HLF: variants seen among roughly 807,000 people sequenced by gnomAD.
HLF encodes hepatic leukemia factor.
Under a neutral mutation model 22.6 loss-of-function variants are expected in HLF, and 3 were observed. That is an observed-to-expected ratio of 0.13 (90% CI 0.06 to 0.34). The LOEUF is 0.34. Ranked by LOEUF, HLF falls within the 10% of genes least tolerant of loss-of-function variation. The probability of loss-of-function intolerance (pLI) is 1.00; values close to 1 mark genes in which losing one functional copy is unlikely to be tolerated. For missense variants in HLF, 299 were observed against 389.2 expected (o/e 0.77, Z 1.95); for synonymous variants, 151 against 151.8 (o/e 0.99, Z 0.04).
At chr17:55,277,232 GTTAT>G (rs1567813042) in intron 2 of HLF, among the ~76,000 whole-genome samples, 1 of 54,742 alleles carries the variant, frequency 1.8e-5, no homozygotes, top group African/African-American at 6.1e-5. Flanking sequence ...TGAACCAGAT[GTTAT>G]GTGTATGTGT....
chr17:55,271,748 T>C (rs189358038), intron 2 of HLF: 1 of 152,272 alleles, frequency 6.6e-6, no homozygotes, highest in Admixed American at 6.5e-5. Flanking sequence ...CAGGCTGGTC[T>C]CAAACTCTTG....
At position 55,324,815 on chromosome 17, in the gene HLF, A is replaced by ATG. The variant is rs371358640; in HGVS notation, c.*3950_*3951dup. On this transcript the variant is annotated 3_prime_UTR_variant, in exon 4 of 4. Transcript: ENST00000226067. ...AGTGTGTGTGTGTGTGTGTGCGTGC[A>ATG]TGTGTGTGTGTGTGTATGTGTGTGA... The ATG allele has an allele frequency of 5.1e-3, 1,059 of 208,560 alleles. 6 individuals are homozygous for ATG. The highest frequency in any genetic ancestry group is 0.019 in the African/African-American group (791 of 40,964). The allele number at this position is 208,560 out of a possible 1,614,324, so 12.9% of individuals were successfully genotyped here.
chr17:55,312,780 G>A (rs529033519), intron 2 of HLF, among the ~76,000 whole-genome samples: 8 of 152,172 alleles, frequency 5.3e-5, no homozygotes, highest in African/African-American at 1.7e-4. Context: ...TTAACATTTC[G>A]CAGCGAACAT....
chr17:55,302,114 G>C (rs901738365), intron 2 of HLF, among the ~76,000 whole-genome samples: 1 of 152,226 alleles, frequency 6.6e-6, no homozygotes, highest in Admixed American at 6.5e-5. Context: ...TGGAAGAATG[G>C]GGGAAATAGT....
rs1331421500 is a variant in HLF at position 55,275,335 on chromosome 17, A to G, written c.451+7249A>G. Among the ~76,000 whole-genome samples, 4 of 152,176 alleles carry G rather than the reference A, an allele frequency of 2.6e-5. No homozygotes were observed. In the East Asian group the frequency reaches 5.8e-4, roughly 22 times the overall value. On this transcript the variant is annotated intron_variant, in intron 2 of 3. Coordinates refer to ENST00000226067, the MANE Select transcript of HLF (RefSeq NM_002126.5). ...GGTCTTGAGCTCCTGAGCTCAAGCA[A>G]TCCACCGACCTTGGCCTCCCAAAGT...
chr17:55,303,927 A>G (rs1904418150), intron 2 of HLF, among the ~76,000 whole-genome samples: 1 of 152,066 alleles, frequency 6.6e-6, no homozygotes, highest in Non-Finnish European at 1.5e-5. Flanking sequence ...TAGTGTTTCC[A>G]CAAGCTTTTA....
Position 55,320,943 on chromosome 17 carries a change from A to G in HLF, c.*64A>G. 3.1e-6 allele frequency: 4 copies of G among 1,301,656 alleles called. No homozygotes were observed. Among genetic ancestry groups the G allele is most frequent in the African/African-American group, 1.5e-5 (1 of 68,790 alleles). 80.6% of individuals were successfully genotyped at this position (1,301,656 alleles called of 1,614,324 possible). The stretch of plus-strand genomic sequence containing the variant: ...AGTTTGTTTCCTGTCTGATAGCACC[A>G]CACGCAAACCAACCTTTCTGACATC... On this transcript the variant is annotated 3_prime_UTR_variant, in exon 4 of 4. Coordinates refer to ENST00000226067, the MANE Select transcript of HLF (RefSeq NM_002126.5). The surrounding 1 kb of genome is among the most constrained non-coding windows in gnomAD (Gnocchi z 4.2).
intron 2 of HLF, among the ~76,000 whole-genome samples, chr17:55,269,282 C>T (rs1459026006): frequency 6.6e-6 from 1 of 152,166 alleles, no homozygotes; most frequent in Non-Finnish European, 1.5e-5. Context: ...TGAATTATAA[C>T]TCAAGGCCAC....
At position 55,321,343 on chromosome 17, in the gene HLF, T is replaced by C. The variant is rs1384726018; in HGVS notation, c.*464T>C. ...AAGAGTACAAGCTCTTGTTTCTGTT[T>C]AGTCCGTAAGTTACCATGCTAATGA... On this transcript the variant is annotated 3_prime_UTR_variant, in exon 4 of 4. Coordinates refer to ENST00000226067, the MANE Select transcript of HLF (RefSeq NM_002126.5). The C allele has an allele frequency of 4.1e-6, 1 of 242,586 alleles. No individual in the cohort carries two copies. Among genetic ancestry groups the C allele is most frequent in the African/African-American group, 2.2e-5 (1 of 45,486 alleles). 15.0% of individuals were successfully genotyped at this position (242,586 alleles called of 1,614,324 possible).
At chr17:55,287,034 T>C (rs2081010167) in intron 2 of HLF, among the ~76,000 whole-genome samples, 1 of 152,138 alleles carries the variant, frequency 6.6e-6, no homozygotes. Context: ...TTAAAAATAA[T>C]GCCAAGTTCT....
chr17:55,269,404 C>T (rs2080831205), intron 2 of HLF, among the ~76,000 whole-genome samples: 1 of 152,092 alleles, frequency 6.6e-6, no homozygotes, highest in Admixed American at 6.6e-5. Context: ...ATGTGCGGTA[C>T]CACTATCTTC....
rs1344514735 is a variant in HLF at position 55,320,057 on chromosome 17, A to G, written c.673-607A>G. 6.6e-6 allele frequency among the ~76,000 whole-genome samples: 1 copy of G among 152,210 alleles called. No homozygotes were observed. The highest frequency in any genetic ancestry group is 1.5e-5 in the Non-Finnish European group (1 of 68,040). On this transcript the variant is annotated intron_variant, in intron 3 of 3. Transcript: ENST00000226067. The surrounding 1 kb of genome is among the most constrained non-coding windows in gnomAD (Gnocchi z 4.2). Reference sequence around the variant, plus strand: ...AAGTATCCCTTTGTATGACTGTATCATAACGTGGTTGTTAAATCTCCTATG... The same window carrying G: ...AAGTATCCCTTTGTATGACTGTATCGTAACGTGGTTGTTAAATCTCCTATG...
intron 2 of HLF, among the ~76,000 whole-genome samples, chr17:55,313,240 A>G (rs1904915594): frequency 1.3e-5 from 2 of 152,218 alleles, no homozygotes; most frequent in South Asian, 4.1e-4. Context: ...CCATCATTAA[A>G]TGAGGAGCAG....
At chr17:55,294,252 G>A (rs929193429) in intron 2 of HLF, among the ~76,000 whole-genome samples, 8 of 152,232 alleles carry the variant, frequency 5.3e-5, no homozygotes, top group Admixed American at 3.9e-4. Flanking sequence ...CAGTGCAACA[G>A]GGAGACGCAT....
chr17:55,306,505 G>A (rs1433065715), intron 2 of HLF, among the ~76,000 whole-genome samples: 1 of 150,808 alleles, frequency 6.6e-6, no homozygotes, highest in Non-Finnish European at 1.5e-5. Flanking sequence ...AAAACTTACT[G>A]AGCACTTGCC....
intron 2 of HLF, among the ~76,000 whole-genome samples, chr17:55,282,337 T>C (rs1183770610): frequency 6.6e-6 from 1 of 152,246 alleles, no homozygotes; most frequent in Non-Finnish European, 1.5e-5. Context: ...TAATCTGTAG[T>C]CCTGGCTATG....
intron 2 of HLF, among the ~76,000 whole-genome samples, chr17:55,291,075 G>T (rs149381407): frequency 6.6e-6 from 1 of 152,294 alleles, no homozygotes; most frequent in East Asian, 1.9e-4. Flanking sequence ...AGCAGAGGTT[G>T]GTTCATGAGG....
At position 55,322,239 on chromosome 17, in the gene HLF, CCAAT is replaced by C. The variant is rs1905284604; in HGVS notation, c.*1365_*1368del. The stretch of plus-strand genomic sequence containing the variant: ...GGTGTTGTCACAAACTGTGGTTAAT[CCAAT>C]CAATTTAAATGTTTACTATAGACCA... On this transcript the variant is annotated 3_prime_UTR_variant, in exon 4 of 4. Coordinates refer to ENST00000226067, the MANE Select transcript of HLF (RefSeq NM_002126.5). 5.0e-6 allele frequency: 1 copy of C among 199,240 alleles called. No homozygotes were observed. Among genetic ancestry groups the C allele is most frequent in the East Asian group, 7.8e-5 (1 of 12,776 alleles). The allele number at this position is 199,240 out of a possible 1,614,324, so 12.3% of individuals were successfully genotyped here.
chr17:55,305,643 AC>A (rs1400765544), intron 2 of HLF, among the ~76,000 whole-genome samples: 1 of 151,910 alleles, frequency 6.6e-6, no homozygotes, highest in African/African-American at 2.4e-5. Context: ...AGGTGGTTTC[AC>A]CCCCTCTCCC....
Sources: allele counts gnomAD v4.1 joint callset (sites outside exome capture counted in the v4.1 genomes callset), GRCh38; gene constraint gnomAD v4.1.1; non-coding constraint Gnocchi (gnomAD v3.1); transcripts MANE v1.5; gene names NCBI Gene and HGNC (gene_info 2026-07-23, HGNC 2026-07-21).